Variants in ADGRB3 observed in about 807,000 individuals in gnomAD.
ADGRB3 encodes the protein adhesion G protein-coupled receptor B3, also known as brain-specific angiogenesis inhibitor 3.
A neutral mutation model predicts 193.4 loss-of-function variants in ADGRB3; 37 were observed. The observed-to-expected ratio is 0.19, with a 90% CI of 0.15 to 0.25. ADGRB3 has a LOEUF of 0.25. ADGRB3 is among the 10% of genes least tolerant of loss of function. The probability of loss-of-function intolerance (pLI) is 1.00; values close to 1 mark genes in which losing one functional copy is unlikely to be tolerated. For missense variants in ADGRB3, 1,637 were observed against 1,852.9 expected, an observed-to-expected ratio of 0.88 and a Z score of 2.14; for synonymous variants, 690 against 644.2, an observed-to-expected ratio of 1.07 and a Z score of -1.08.
intron 20 of ADGRB3, among the ~76,000 whole-genome samples, chr6:69,288,164 A>G (rs1351474538): frequency 6.6e-6 from 1 of 152,070 alleles, no homozygotes; most frequent in Admixed American, 6.6e-5. Flanking sequence ...TGTCATCTAC[A>G]TTAAGTATTT....
At chr6:69,316,069 T>C (rs565095183) in intron 20 of ADGRB3, among the ~76,000 whole-genome samples, 1 of 151,450 alleles carries the variant, frequency 6.6e-6, no homozygotes, top group South Asian at 2.1e-4. Flanking sequence ...AACAAACATG[T>C]TCTCTTTTGC....
chr6:68,724,794 A>C (rs1004291967), intron 3 of ADGRB3, among the ~76,000 whole-genome samples: 2 of 151,628 alleles, frequency 1.3e-5, no homozygotes, highest in African/African-American at 4.8e-5. Context: ...TTAATTCATC[A>C]AGCAAATGCT....
chr6:68,664,528 A>G (rs2127290749), intron 3 of ADGRB3, among the ~76,000 whole-genome samples: 1 of 151,974 alleles, frequency 6.6e-6, no homozygotes, highest in Admixed American at 6.6e-5. Context: ...TCCTCACCAG[A>G]ACCTGACTAT....
intron 26 of ADGRB3, among the ~76,000 whole-genome samples, chr6:69,346,549 A>T (rs1769092520): frequency 6.6e-6 from 1 of 152,086 alleles, no homozygotes; most frequent in African/African-American, 2.4e-5. Context: ...AAAGGATATG[A>T]ACAGACACTT....
intron 10 of ADGRB3, among the ~76,000 whole-genome samples, chr6:68,979,044 T>C (rs1768831513): frequency 6.6e-6 from 1 of 151,398 alleles, no homozygotes; most frequent in South Asian, 2.1e-4. Flanking sequence ...CCAGTTGAGG[T>C]AAACAAAAGG....
chr6:69,089,190 A>AT (rs1360699284), intron 17 of ADGRB3, among the ~76,000 whole-genome samples: 3 of 152,230 alleles, frequency 2.0e-5, no homozygotes, highest in Non-Finnish European at 4.4e-5. Context: ...AGACAGCAGT[A>AT]TTTTCTAATG....
intron 17 of ADGRB3, among the ~76,000 whole-genome samples, chr6:69,209,549 A>G (rs1217285237): frequency 6.6e-6 from 1 of 152,194 alleles, no homozygotes; most frequent in African/African-American, 2.4e-5. Flanking sequence ...AATGTAATGG[A>G]CCAGTGTGAT....
intron 17 of ADGRB3, among the ~76,000 whole-genome samples, chr6:69,209,833 A>G (rs931900433): frequency 6.6e-6 from 1 of 152,146 alleles, no homozygotes; most frequent in Admixed American, 6.6e-5. Flanking sequence ...GCCTCTCGAC[A>G]CGAGGGATGA....
intron 26 of ADGRB3, among the ~76,000 whole-genome samples, chr6:69,345,113 T>C (rs1022263874): frequency 3.9e-5 from 6 of 152,138 alleles, no homozygotes; most frequent in African/African-American, 9.7e-5. Flanking sequence ...GAATGTTCAA[T>C]GACCATGATA....
chr6:69,182,484 G>T (rs2150351960), intron 17 of ADGRB3, among the ~76,000 whole-genome samples: 1 of 151,034 alleles, frequency 6.6e-6, no homozygotes, highest in South Asian at 2.1e-4. Flanking sequence ...GAGCTGCATT[G>T]GATTCTGAAT....
At chr6:68,876,065 C>T (rs1404321653) in intron 3 of ADGRB3, among the ~76,000 whole-genome samples, 1 of 151,952 alleles carries the variant, frequency 6.6e-6, no homozygotes, top group Non-Finnish European at 1.5e-5. Flanking sequence ...AATTCGGCTA[C>T]TCTTAATTTT....
intron 24 of ADGRB3, among the ~76,000 whole-genome samples, chr6:69,333,990 AT>A (rs1437824524): frequency 7.4e-6 from 1 of 134,782 alleles, no homozygotes; most frequent in African/African-American, 2.8e-5. Context: ...ATAAAATAAA[AT>A]AAAATAAAAT....
intron 20 of ADGRB3, among the ~76,000 whole-genome samples, chr6:69,297,947 C>T (rs568732463): frequency 6.6e-6 from 1 of 152,122 alleles, no homozygotes; most frequent in South Asian, 2.1e-4. Flanking sequence ...CTACTATGTA[C>T]TAAGTTTGTT....
At chr6:69,377,789 G>A (rs1769862719) in intron 30 of ADGRB3, among the ~76,000 whole-genome samples, 1 of 152,036 alleles carries the variant, frequency 6.6e-6, no homozygotes, top group Non-Finnish European at 1.5e-5. Context: ...TCACACTTAT[G>A]AATTAAAGTG....
In ADGRB3 at chr6:69,102,737, G is replaced by T. The variant is rs150019467; in HGVS notation, c.2480+26699G>T. Among the ~76,000 whole-genome samples, 24 of 152,288 alleles carry T rather than the reference G, an allele frequency of 1.6e-4. 1 individual carries two copies. The East Asian group carries it at 4.4e-3, about 28-fold the overall frequency. ...AAAGAGTCTACCTAGTGCCACATCTGATTTATGGAACAAATTGGACTTGTA... is the reference window on the plus strand; with the variant it reads ...AAAGAGTCTACCTAGTGCCACATCTTATTTATGGAACAAATTGGACTTGTA... On this transcript the variant is annotated intron_variant, in intron 17 of 31. Transcript: ENST00000370598.
intron 10 of ADGRB3, among the ~76,000 whole-genome samples, chr6:68,977,103 AT>A (rs1768773775): frequency 6.7e-6 from 1 of 149,628 alleles, no homozygotes; most frequent in South Asian, 2.1e-4. Flanking sequence ...ATACACATGT[AT>A]TTTTTATAGT....
intron 27 of ADGRB3, 123 bp downstream of exon 27, chr6:69,354,451 A>T (rs1448356284): frequency 1.3e-6 from 1 of 763,546 alleles, no homozygotes; most frequent in Non-Finnish European, 2.2e-6. Flanking sequence ...CAGTTCATTA[A>T]TAGACTGTGA....
chr6:69,040,365 C>CTT (rs1197449894), intron 13 of ADGRB3, among the ~76,000 whole-genome samples: 1 of 68,856 alleles, frequency 1.5e-5, no homozygotes, highest in Non-Finnish European at 2.9e-5. Flanking sequence ...TTCTTTCTTT[C>CTT]TTTCTTTCTT....
chr6:68,691,495 A>G (rs577635607), intron 3 of ADGRB3, among the ~76,000 whole-genome samples: 1 of 152,090 alleles, frequency 6.6e-6, no homozygotes, highest in East Asian at 1.9e-4. Context: ...ATTACCTACT[A>G]TCTCAGTTGA....
Sources: gnomAD v4.1 joint callset for allele counts (sites outside exome capture counted in the v4.1 genomes callset) on GRCh38, gnomAD v4.1.1 for gene constraint, MANE v1.5 for transcripts, NCBI Gene and HGNC (gene_info 2026-07-23, HGNC 2026-07-21) for gene names.